Variants in DNAH5 observed in about 807,000 individuals in gnomAD.
DNAH5 encodes the protein axonemal beta dynein heavy chain 5.
In DNAH5, 372 loss-of-function variants were observed where a neutral mutation model predicts 518.2. The ratio of observed to expected loss-of-function variants is 0.72; its 90% CI spans 0.66 to 0.78. DNAH5 has a LOEUF of 0.78. Among genes scored for constraint, DNAH5 ranks in the 30% least tolerant of loss-of-function variants. DNAH5 has a pLI of 0.00. For synonymous variants in DNAH5, 2,039 were observed against 2,025.9 expected (o/e 1.01, Z -0.17); for missense variants, 5,523 against 5,687.0 (o/e 0.97, Z 0.93).
At chr5:13,877,507 C>G (rs1051549902) in intron 21 of DNAH5, among the ~76,000 whole-genome samples, 1 of 152,204 alleles carries the variant, frequency 6.6e-6, no homozygotes, top group African/African-American at 2.4e-5. Flanking sequence ...TATCCTGGCT[C>G]TCCCTCCACC....
chr5:13,690,414 C>G lies in DNAH5; in HGVS notation c.*1570G>C, dbSNP rs888084460. On this transcript the variant is annotated 3_prime_UTR_variant, in exon 79 of 79. Coordinates refer to ENST00000265104, the MANE Select transcript of DNAH5 (RefSeq NM_001369.3). ...ATGAAATGATTGTTTCACCACAATT[C>G]ACACAAATCAACTGATATACTAATC... 2 of 152,092 alleles carry G rather than the reference C, an allele frequency of 1.3e-5. No individual in the cohort carries two copies. Among genetic ancestry groups the G allele is most frequent in the Admixed American group, 6.6e-5 (1 of 15,262 alleles). The allele number at this position is 152,092 out of a possible 1,614,324, so 9.4% of individuals were successfully genotyped here. A position where few individuals can be genotyped will look rare whatever the true frequency, so the allele number is the denominator to read the frequency against.
At chr5:13,866,765 ATCT>A (rs896224968) in intron 25 of DNAH5, among the ~76,000 whole-genome samples, 1 of 152,152 alleles carries the variant, frequency 6.6e-6, no homozygotes, top group Non-Finnish European at 1.5e-5. Flanking sequence ...CATGGGTCCA[ATCT>A]TCTAACTTGA....
At chr5:13,800,989 T>G (rs1421228345) in intron 47 of DNAH5, among the ~76,000 whole-genome samples, 5 of 152,212 alleles carry the variant, frequency 3.3e-5, no homozygotes, top group African/African-American at 4.8e-5. Flanking sequence ...TACTATGTGT[T>G]TGTTGTTAAA....
intron 54 of DNAH5, 112 bp downstream of exon 54, chr5:13,777,089 AT>A (rs1436940932): frequency 3.3e-5 from 33 of 1,014,018 alleles, no homozygotes; most frequent in Non-Finnish European, 4.0e-5. Flanking sequence ...TGATCACTTA[AT>A]ACCCATCCCC....
intron 47 of DNAH5, among the ~76,000 whole-genome samples, chr5:13,805,360 T>C (rs1759423688): frequency 6.6e-6 from 1 of 152,044 alleles, no homozygotes; most frequent in African/African-American, 2.4e-5. Flanking sequence ...TAGCGGGGTG[T>C]GGTAGCCCAT....
At position 13,758,956 on chromosome 5, in the gene DNAH5, G is replaced by T; in HGVS notation, c.10309C>A (p.His3437Asn). 1 of 1,614,136 alleles carries T rather than the reference G, an allele frequency of 6.2e-7. No individual in the cohort carries two copies. The highest frequency in any genetic ancestry group is 8.5e-7 in the Non-Finnish European group (1 of 1,180,016). ...TGCAGATCCTGCATGGCCAGGAGAT[G>T]GCGATTCTCTTGCACCACCAAGTTG... ...KANLVVQENR[H>N]LLAMQDLQKA... is the part of the protein sequence containing the mutation. The change falls in exon 61 of 79, where the codon CAT (histidine) becomes AAT (asparagine). Residue 3437 changes from histidine to asparagine, a missense_variant. This residue lies in a region of DNAH5 where 5,121 missense variants were observed against 5,223.3 expected (regional missense o/e 0.98). Transcript: ENST00000265104.
At chr5:13,982,521 T>C (rs13187890) in intron 1 of DNAH5, among the ~76,000 whole-genome samples, 312 of 142,568 alleles carry the variant, frequency 2.2e-3, no homozygotes, top group African/African-American at 7.4e-3. Context: ...GACATATGCA[T>C]TACTGCATGA....
chr5:13,850,595 C>T (rs1766694031), intron 31 of DNAH5, 57 bp downstream of exon 31: 1 of 1,518,824 alleles, frequency 6.6e-7, no homozygotes, highest in Non-Finnish European at 9.1e-7. Flanking sequence ...TATCTAGTCT[C>T]CCTGTATCCT....
At chr5:13,910,612 T>C (rs73746967) in intron 12 of DNAH5, among the ~76,000 whole-genome samples, 105 of 152,270 alleles carry the variant, frequency 6.9e-4, no homozygotes, top group African/African-American at 2.4e-3. Context: ...CCATATTCAT[T>C]ATGGTAGATA....
rs4701987 is a variant in DNAH5, at chr5:13,811,381, C to T, written c.7407+266G>A. On this transcript the variant is annotated intron_variant, in intron 44 of 78. Coordinates refer to ENST00000265104, the MANE Select transcript of DNAH5 (RefSeq NM_001369.3). ...CACACAGTAATAATTTTGGGATACC[C>T]GTTGCATGACTTTGTTAACCTGCAA... Among the ~76,000 whole-genome samples, 59,103 of 151,968 alleles carry T rather than the reference C, an allele frequency of 0.39. 11,676 individuals carry two copies. Among genetic ancestry groups the T allele is most frequent in the East Asian group, 0.62 (3,202 of 5,166 alleles).
At chr5:13,900,764 A>G in intron 14 of DNAH5, 1 of 336,518 alleles carries the variant, frequency 3.0e-6, no homozygotes, top group South Asian at 3.3e-5. Flanking sequence ...AAGACCTCCT[A>G]AACTCAGTTT....
chr5:13,978,758 G>A (rs1156511957), intron 1 of DNAH5, among the ~76,000 whole-genome samples: 1 of 152,142 alleles, frequency 6.6e-6, no homozygotes, highest in African/African-American at 2.4e-5. Flanking sequence ...ATAGCATCCA[G>A]GTTTGTAAGT....
intron 70 of DNAH5, among the ~76,000 whole-genome samples, chr5:13,723,837 A>G (rs796583459): frequency 3.9e-5 from 6 of 152,244 alleles, no homozygotes; most frequent in African/African-American, 1.4e-4. Flanking sequence ...TAGTTTGCCA[A>G]CCTCTGGAAT....
upstream of DNAH5, among the ~76,000 whole-genome samples, chr5:13,948,244 T>A (rs1038210871): frequency 6.6e-6 from 1 of 152,236 alleles, no homozygotes; most frequent in Non-Finnish European, 1.5e-5. Flanking sequence ...AGACCCTACA[T>A]GTGAAGAAGT....
chr5:13,995,953 C>A (rs1453974236), intron 1 of DNAH5, among the ~76,000 whole-genome samples: 1 of 152,144 alleles, frequency 6.6e-6, no homozygotes, highest in Non-Finnish European at 1.5e-5. Context: ...CCTACAAACA[C>A]AGGAATTCTG....
intron 30 of DNAH5, 64 bp downstream of exon 30, chr5:13,859,388 G>A: frequency 6.5e-7 from 1 of 1,545,938 alleles, no homozygotes; most frequent in Non-Finnish European, 8.9e-7. Flanking sequence ...ATTATTTAAG[G>A]GGGTAATCGC....
At chr5:13,909,720 A>T (rs1377404642) in intron 12 of DNAH5, among the ~76,000 whole-genome samples, 1 of 152,116 alleles carries the variant, frequency 6.6e-6, no homozygotes, top group African/African-American at 2.4e-5. Context: ...CCTTTTTTAA[A>T]TGCTAAATTC....
At chr5:13,852,903 G>A (rs1471917975) in intron 30 of DNAH5, among the ~76,000 whole-genome samples, 1 of 152,170 alleles carries the variant, frequency 6.6e-6, no homozygotes, top group Non-Finnish European at 1.5e-5. Flanking sequence ...CATCTCCCTG[G>A]GACAGAGCGC....
intron 1 of DNAH5, among the ~76,000 whole-genome samples, chr5:13,941,176 G>A (rs969874917): frequency 4.6e-5 from 7 of 152,130 alleles, no homozygotes; most frequent in Admixed American, 2.6e-4. Context: ...AGCATAGCAA[G>A]ACTCCATCTC....
Sources: allele counts gnomAD v4.1 joint callset (sites outside exome capture counted in the v4.1 genomes callset), GRCh38; gene constraint gnomAD v4.1.1; regional missense constraint gnomAD v4.1.1; transcripts MANE v1.5; gene names NCBI Gene and HGNC (gene_info 2026-07-23, HGNC 2026-07-21).